The following FOXP1 variants were observed in gnomAD, a reference collection of about 807,000 sequenced individuals.
FOXP1 encodes the protein forkhead box P1.
Under a neutral mutation model 98.2 loss-of-function variants are expected in FOXP1, and 15 were observed. The ratio of observed to expected loss-of-function variants is 0.15; its 90% confidence interval spans 0.10 to 0.24. The LOEUF (loss-of-function observed/expected upper bound fraction) is 0.24. Among genes scored for constraint, FOXP1 ranks in the 10% least tolerant of loss-of-function variants. The pLI, the probability that FOXP1 is intolerant of heterozygous loss-of-function variation, is 1.00. For missense variants in FOXP1, 633 were observed against 848.5 expected (o/e 0.75, Z 3.15); for synonymous variants, 371 against 314.5 (o/e 1.18, Z -1.90).
intron 14 of FOXP1, among the ~76,000 whole-genome samples, chr3:70,987,564 C>T (rs1224275221): frequency 6.6e-6 from 1 of 152,216 alleles, no homozygotes; most frequent in African/African-American, 2.4e-5. Flanking sequence ...GACTACTACT[C>T]CCTGCTCTTT....
chr3:71,581,076 T>G, intron 2 of FOXP1: 1 of 960,750 alleles, frequency 1.0e-6, no homozygotes, highest in Non-Finnish European at 1.2e-6. Flanking sequence ...GGTGGGGAGG[T>G]AGGGAAGAGG....
In FOXP1 at chr3:71,193,479, C is replaced by T. The variant is rs1176285010; in HGVS notation, c.180+4723G>A. Among the ~76,000 whole-genome samples, 3 of 74,364 alleles carry T rather than the reference C, an allele frequency of 4.0e-5. 1 individual carries two copies. The Admixed American group carries it at 4.2e-4, about 10-fold the overall frequency. 48.8% of individuals were successfully genotyped at this position (74,364 alleles called of 152,430 possible). On this transcript the variant is annotated intron_variant, in intron 6 of 20. Coordinates refer to ENST00000649528, the MANE Select transcript of FOXP1 (RefSeq NM_001349338.3). The stretch of plus-strand genomic sequence containing the variant: ...TGTTTTTTTTTTTTAGACATATTCT[C>T]ACTTTGTCGCCCAGGCTGGAGTGCA...
intron 3 of FOXP1, among the ~76,000 whole-genome samples, chr3:71,388,715 T>C (rs1315533102): frequency 6.6e-6 from 1 of 152,024 alleles, no homozygotes; most frequent in East Asian, 1.9e-4. Flanking sequence ...ATTAACAACA[T>C]ATAATAAAAA....
intron 14 of FOXP1, among the ~76,000 whole-genome samples, chr3:70,986,304 C>A (rs1031347916): frequency 2.0e-5 from 3 of 152,160 alleles, no homozygotes; most frequent in Non-Finnish European, 1.5e-5. Context: ...AAGCGCCCTA[C>A]GGGGTTTTGT....
chr3:71,219,399 A>C (rs2065188649), intron 5 of FOXP1, among the ~76,000 whole-genome samples: 1 of 152,226 alleles, frequency 6.6e-6, no homozygotes, highest in South Asian at 2.1e-4. Flanking sequence ...TATAGGACTA[A>C]ATTTTTAATA....
intron 3 of FOXP1, among the ~76,000 whole-genome samples, chr3:71,412,033 T>G (rs568311968): frequency 3.3e-5 from 5 of 152,354 alleles, no homozygotes; most frequent in African/African-American, 1.2e-4. Context: ...CAAGTGCTTC[T>G]AAACAGAAGA....
intron 4 of FOXP1, among the ~76,000 whole-genome samples, chr3:71,355,940 C>A (rs1480330147): frequency 1.3e-5 from 2 of 152,084 alleles, no homozygotes; most frequent in African/African-American, 4.8e-5. Context: ...ATGAGTACTG[C>A]TGACATTCTT....
chr3:71,212,385 C>T (rs761822199), intron 5 of FOXP1, among the ~76,000 whole-genome samples: 2 of 152,248 alleles, frequency 1.3e-5, no homozygotes, highest in Middle Eastern at 3.4e-3. Flanking sequence ...TCACAAAGCA[C>T]GTACTGAGGG....
chr3:71,105,247 C>T (rs1051438445), intron 7 of FOXP1, among the ~76,000 whole-genome samples: 2 of 152,094 alleles, frequency 1.3e-5, no homozygotes, highest in Non-Finnish European at 2.9e-5. Context: ...CACAAGTGGA[C>T]GACCAGCAAG....
At chr3:71,244,619 G>A (rs1430021324) in intron 5 of FOXP1, among the ~76,000 whole-genome samples, 1 of 152,076 alleles carries the variant, frequency 6.6e-6, no homozygotes, top group Admixed American at 6.6e-5. Flanking sequence ...CACAGATCGG[G>A]GGTGTTTTCA....
At chr3:70,968,041 C>G (rs927977313) in intron 19 of FOXP1, among the ~76,000 whole-genome samples, 2 of 152,146 alleles carry the variant, frequency 1.3e-5, no homozygotes, top group Admixed American at 6.6e-5. Flanking sequence ...TATTTATTCT[C>G]TTTGGCTCTC....
chr3:71,370,961 C>T (rs1338561127), intron 3 of FOXP1, among the ~76,000 whole-genome samples: 2 of 152,002 alleles, frequency 1.3e-5, no homozygotes, highest in East Asian at 3.9e-4. Context: ...GCCACGACGC[C>T]CAGCTAATTT....
At chr3:70,989,951 A>G (rs2040349336) in intron 13 of FOXP1, among the ~76,000 whole-genome samples, 1 of 152,224 alleles carries the variant, frequency 6.6e-6, no homozygotes. Flanking sequence ...TGGTCAGCCA[A>G]AGGTAGCAAC....
intron 3 of FOXP1, among the ~76,000 whole-genome samples, chr3:71,463,219 C>T (rs1196323180): frequency 2.6e-5 from 4 of 152,058 alleles, no homozygotes; most frequent in African/African-American, 9.7e-5. Flanking sequence ...AAAAAGTTAG[C>T]TGGGCATGGT....
chr3:71,441,265 A>G lies in FOXP1; in HGVS notation c.-168+52161T>C, dbSNP rs1337483885. On this transcript the variant is annotated intron_variant, in intron 3 of 20. Transcript: ENST00000649528. Reference sequence around the variant, plus strand: ...AAGGTAGCTTTAACCCCTACGGGACATACATGTGGAAATGTCTGGAGACAG... The same window carrying G: ...AAGGTAGCTTTAACCCCTACGGGACGTACATGTGGAAATGTCTGGAGACAG... 2.0e-5 allele frequency among the ~76,000 whole-genome samples: 3 copies of G among 152,256 alleles called. No individual in the cohort carries two copies. In the East Asian group the frequency reaches 5.8e-4, roughly 29 times the overall value.
chr3:71,036,492 C>T (rs935302665), intron 11 of FOXP1, among the ~76,000 whole-genome samples: 3 of 152,114 alleles, frequency 2.0e-5, no homozygotes, highest in African/African-American at 7.2e-5. Context: ...AGTTATAAAA[C>T]ATCTAATGAT....
At position 70,955,566 on chromosome 3, in the gene FOXP1, TA is replaced by T. The variant is rs886609437; in HGVS notation, c.*3680del. ...ATTTTCTTTACATCTTGGCACCTTGTAAAGTTTTTTTTTTTTTATACAAAAG... is the reference window on the plus strand; with the variant it reads ...ATTTTCTTTACATCTTGGCACCTTGTAAGTTTTTTTTTTTTTATACAAAAG... On this transcript the variant is annotated 3_prime_UTR_variant, in exon 21 of 21. Transcript: ENST00000649528. 1.3e-5 allele frequency: 3 copies of T among 224,912 alleles called. No individual in the cohort carries two copies. The highest frequency in any genetic ancestry group is 2.5e-5 in the Non-Finnish European group (3 of 117,676). 13.9% of individuals were successfully genotyped at this position (224,912 alleles called of 1,614,324 possible). A position where few individuals can be genotyped will look rare whatever the true frequency, so the allele number is the denominator to read the frequency against.
intron 2 of FOXP1, among the ~76,000 whole-genome samples, chr3:71,496,521 G>C (rs572032150): frequency 6.6e-6 from 1 of 152,210 alleles, no homozygotes; most frequent in South Asian, 2.1e-4. Flanking sequence ...ACATAAATCG[G>C]TTAAACAATA....
At chr3:71,040,501 G>A (rs919061475) in intron 11 of FOXP1, 2 of 152,034 alleles carry the variant, frequency 1.3e-5, no homozygotes, top group African/African-American at 2.4e-5. Flanking sequence ...CTTCAACAGT[G>A]GTATTAATGC....
Sources: allele counts gnomAD v4.1 joint callset (sites outside exome capture counted in the v4.1 genomes callset), GRCh38; gene constraint gnomAD v4.1.1; transcripts MANE v1.5; gene names NCBI Gene and HGNC (gene_info 2026-07-23, HGNC 2026-07-21).